NLGN1: variants seen among roughly 807,000 people sequenced by gnomAD.
The protein encoded by NLGN1 is neuroligin 1.
Under a neutral mutation model 65.5 loss-of-function variants are expected in NLGN1, and 12 were observed. That is an observed-to-expected ratio of 0.18 (90% CI 0.12 to 0.30). The LOEUF (loss-of-function observed/expected upper bound fraction) is 0.30, where lower values mean the gene tolerates loss of function less well. NLGN1 is among the 10% of genes least tolerant of loss of function. The pLI is 1.00. For missense variants in NLGN1, 750 were observed against 1,007.1 expected (o/e 0.74, Z 3.46); for synonymous variants, 350 against 359.5 (o/e 0.97, Z 0.30).
At chr3:174,051,920 G>A (rs181334380) in intron 4 of NLGN1, among the ~76,000 whole-genome samples, 26 of 152,152 alleles carry the variant, frequency 1.7e-4, no homozygotes, top group African/African-American at 6.3e-4. Flanking sequence ...TGCGGATTCA[G>A]TGCTGGACAG....
intron 1 of NLGN1, among the ~76,000 whole-genome samples, chr3:173,421,615 C>T (rs2148697762): frequency 6.6e-6 from 1 of 151,972 alleles, no homozygotes; most frequent in South Asian, 2.1e-4. Flanking sequence ...AGCAGTTCTT[C>T]TGCCTCAGTC....
chr3:173,602,324 A>G, intron 2 of NLGN1, among the ~76,000 whole-genome samples: 1 of 152,044 alleles, frequency 6.6e-6, no homozygotes. Context: ...ACATTTTTAC[A>G]TTTGATTTGG....
At chr3:173,405,417 A>G (rs1180166118) in intron 1 of NLGN1, among the ~76,000 whole-genome samples, 1 of 151,966 alleles carries the variant, frequency 6.6e-6, no homozygotes. Context: ...CTATGCCTCC[A>G]CTACTGCTTG....
chr3:174,058,580 TA>T, intron 4 of NLGN1, among the ~76,000 whole-genome samples: 1 of 152,146 alleles, frequency 6.6e-6, no homozygotes, highest in East Asian at 1.9e-4. Context: ...CATAAGTAAG[TA>T]GATGAATATT....
chr3:173,835,581 A>ACACACACACG lies in NLGN1; in HGVS notation c.646+27758_646+27759insGCACACACAC, dbSNP rs1491430788. On this transcript the variant is annotated intron_variant, in intron 4 of 6. Coordinates refer to ENST00000457714, the Ensembl canonical transcript of NLGN1. ...TGGATAATAATATGTTCAAACACAT[A>ACACACACACG]CACACACACACACACACACACACAC... Among the ~76,000 whole-genome samples the ACACACACACG allele has an allele frequency of 3.1e-4, 4 of 12,934 alleles. No homozygotes were observed. In the African/African-American group the frequency reaches 3.4e-3, roughly 11 times the overall value. The allele number at this position is 12,934 out of a possible 152,430, so 8.5% of individuals were successfully genotyped here. A position where few individuals can be genotyped will look rare whatever the true frequency, so the allele number is the denominator to read the frequency against.
intron 4 of NLGN1, among the ~76,000 whole-genome samples, chr3:173,865,892 C>A (rs1443167674): frequency 6.6e-6 from 1 of 152,102 alleles, no homozygotes; most frequent in Non-Finnish European, 1.5e-5. Flanking sequence ...TAAGCCCCTT[C>A]CTTCAAAATT....
At chr3:173,628,817 C>T (rs1755202463) in intron 3 of NLGN1, among the ~76,000 whole-genome samples, 1 of 151,910 alleles carries the variant, frequency 6.6e-6, no homozygotes, top group Non-Finnish European at 1.5e-5. Context: ...GCTCAGTCTC[C>T]CTAACAGCTG....
intron 3 of NLGN1, among the ~76,000 whole-genome samples, chr3:173,684,286 A>G (rs185923497): frequency 1.3e-5 from 2 of 152,180 alleles, no homozygotes; most frequent in Non-Finnish European, 2.9e-5. Flanking sequence ...CTTCACTTCT[A>G]TATACCTTTC....
At chr3:174,020,768 T>C (rs1294860952) in intron 4 of NLGN1, among the ~76,000 whole-genome samples, 1 of 152,150 alleles carries the variant, frequency 6.6e-6, no homozygotes, top group Non-Finnish European at 1.5e-5. Context: ...GACTTCATTA[T>C]GTTTTTGAAT....
intron 3 of NLGN1, among the ~76,000 whole-genome samples, chr3:173,720,143 T>C (rs1180174427): frequency 6.6e-6 from 1 of 152,054 alleles, no homozygotes; most frequent in Non-Finnish European, 1.5e-5. Context: ...AAAAGAATTT[T>C]TTAAAAAATG....
chr3:174,211,026 C>T (rs1366614577), intron 4 of NLGN1, among the ~76,000 whole-genome samples: 2 of 152,130 alleles, frequency 1.3e-5, no homozygotes, highest in Non-Finnish European at 2.9e-5. Flanking sequence ...TGGAGTCTGT[C>T]CCTTCTGATG....
intron 4 of NLGN1, among the ~76,000 whole-genome samples, chr3:173,820,472 TC>T (rs1461263517): frequency 1.3e-5 from 2 of 152,102 alleles, no homozygotes; most frequent in East Asian, 3.9e-4. Context: ...AATGCAGTAA[TC>T]CCCCCTTATC....
chr3:173,665,712 T>A (rs1761606024), intron 3 of NLGN1, among the ~76,000 whole-genome samples: 1 of 152,162 alleles, frequency 6.6e-6, no homozygotes, highest in Admixed American at 6.5e-5. Flanking sequence ...AGATATGTAT[T>A]TCAATGGGAA....
intron 1 of NLGN1, among the ~76,000 whole-genome samples, chr3:173,415,635 A>G (rs927981041): frequency 6.6e-6 from 1 of 152,202 alleles, no homozygotes; most frequent in African/African-American, 2.4e-5. Flanking sequence ...GAGTAGTATT[A>G]AAGGACCAAT....
chr3:173,802,142 GA>G (rs1715570147), intron 3 of NLGN1, among the ~76,000 whole-genome samples: 2 of 148,888 alleles, frequency 1.3e-5, no homozygotes, highest in South Asian at 4.2e-4. Context: ...TATTTAATGT[GA>G]TTTTTTTTTT....
chr3:174,198,915 T>A (rs562347641), intron 4 of NLGN1, among the ~76,000 whole-genome samples: 29 of 146,710 alleles, frequency 2.0e-4, no homozygotes, highest in African/African-American at 7.2e-4. Context: ...ATGCACTGTC[T>A]CAGCTCACTG....
At chr3:173,416,839 T>C (rs1473725407) in intron 1 of NLGN1, among the ~76,000 whole-genome samples, 1 of 152,162 alleles carries the variant, frequency 6.6e-6, no homozygotes, top group East Asian at 1.9e-4. Context: ...GTGAGTCTAA[T>C]GTATTTTGAG....
intron 1 of NLGN1, among the ~76,000 whole-genome samples, chr3:173,410,609 A>G (rs1396907064): frequency 6.6e-6 from 1 of 151,958 alleles, no homozygotes; most frequent in African/African-American, 2.4e-5. Context: ...AAATTCAAGA[A>G]CTCTATCAGC....
At chr3:174,059,001 A>C (rs1013585942) in intron 4 of NLGN1, among the ~76,000 whole-genome samples, 2 of 152,174 alleles carry the variant, frequency 1.3e-5, no homozygotes, top group Non-Finnish European at 2.9e-5. Flanking sequence ...CTACAAATAC[A>C]TTCACAAATG....
Sources: gnomAD v4.1 joint callset for allele counts (sites outside exome capture counted in the v4.1 genomes callset) on GRCh38, gnomAD v4.1.1 for gene constraint, MANE v1.5 for transcripts, NCBI Gene and HGNC (gene_info 2026-07-23, HGNC 2026-07-21) for gene names.